The following VSTM4 variants were observed in gnomAD, a reference collection of about 807,000 sequenced individuals.
VSTM4 encodes the protein V-set and transmembrane domain-containing protein 4.
In VSTM4, 20 loss-of-function variants were observed where a neutral mutation model predicts 36.4. The ratio of observed to expected loss-of-function variants is 0.55; its 90% CI spans 0.39 to 0.80. The LOEUF (loss-of-function observed/expected upper bound fraction) is 0.80, where lower values mean the gene tolerates loss of function less well. Among genes scored for constraint, VSTM4 ranks in the 30% least tolerant of loss-of-function variants. The probability of loss-of-function intolerance (pLI) is 0.00; values close to 1 mark genes in which losing one functional copy is unlikely to be tolerated. For synonymous variants in VSTM4, 182 were observed against 173.9 expected (o/e 1.05, Z -0.37); for missense variants, 392 against 404.5 (o/e 0.97, Z 0.26).
chr10:49,058,533 T>C (rs941766397), intron 5 of VSTM4, among the ~76,000 whole-genome samples: 24 of 152,334 alleles, frequency 1.6e-4, no homozygotes, highest in African/African-American at 5.8e-4. Flanking sequence ...CTCTCTGCTC[T>C]GCATCCTCAG....
At chr10:49,037,410 A>G (rs1273271370) in intron 7 of VSTM4, among the ~76,000 whole-genome samples, 1 of 152,242 alleles carries the variant, frequency 6.6e-6, no homozygotes, top group Non-Finnish European at 1.5e-5. Context: ...ACAAGCTCCC[A>G]GGCAGTGCCT....
chr10:49,073,416 T>A (rs897699895), intron 4 of VSTM4, among the ~76,000 whole-genome samples: 46 of 152,192 alleles, frequency 3.0e-4, no homozygotes, highest in African/African-American at 1.1e-3. Flanking sequence ...GCTCTGCATA[T>A]CCCCACCTTC....
chr10:49,097,879 G>A (rs910006336), intron 2 of VSTM4, among the ~76,000 whole-genome samples: 7 of 152,160 alleles, frequency 4.6e-5, no homozygotes, highest in Non-Finnish European at 1.0e-4. Context: ...AACTACTTCA[G>A]CAAAACTATT....
intron 4 of VSTM4, among the ~76,000 whole-genome samples, chr10:49,076,109 C>T (rs7098134): frequency 0.2 from 29,652 of 152,054 alleles, 4,450 homozygotes; most frequent in African/African-American, 0.4. Context: ...CCTCATTGTC[C>T]CTTAGGCTTG....
At chr10:49,085,080 A>C (rs780559972) in intron 3 of VSTM4, among the ~76,000 whole-genome samples, 1 of 152,282 alleles carries the variant, frequency 6.6e-6, no homozygotes, top group Non-Finnish European at 1.5e-5. Flanking sequence ...CTGAATGTGC[A>C]TCAGAATTGC....
rs544233088 is a variant in VSTM4 at position 49,040,574 on chromosome 10, C to A, written c.837+6409G>T. On this transcript the variant is annotated intron_variant, in intron 7 of 7. Transcript: ENST00000332853. Reference sequence around the variant, plus strand: ...TTGCTGGGATTACAGGCATGAGCCACCATGCCTGGCCTCACCCTTTTCTTC... The same window carrying A: ...TTGCTGGGATTACAGGCATGAGCCAACATGCCTGGCCTCACCCTTTTCTTC... Among the ~76,000 whole-genome samples the A allele has an allele frequency of 3.8e-3, 575 of 152,276 alleles. 5 individuals carry two copies. Among genetic ancestry groups the A allele is most frequent in the Middle Eastern group, 6.8e-3 (2 of 294 alleles).
intron 4 of VSTM4, among the ~76,000 whole-genome samples, chr10:49,068,881 T>C (rs899636316): frequency 1.3e-5 from 2 of 152,118 alleles, no homozygotes; most frequent in Non-Finnish European, 2.9e-5. Context: ...GAAGCAACCG[T>C]CCTGCACAGA....
chr10:49,071,966 T>C (rs1300793811), intron 4 of VSTM4, among the ~76,000 whole-genome samples: 1 of 152,236 alleles, frequency 6.6e-6, no homozygotes, highest in South Asian at 2.1e-4. Context: ...AGTGTATAGA[T>C]GTACTACTAA....
chr10:49,048,961 G>A (rs1188718701), intron 5 of VSTM4, among the ~76,000 whole-genome samples: 12 of 152,224 alleles, frequency 7.9e-5, no homozygotes, highest in Non-Finnish European at 4.4e-5. Flanking sequence ...TACATCACCA[G>A]TGGGGTATTA....
chr10:49,072,412 C>T (rs920352985), intron 4 of VSTM4, among the ~76,000 whole-genome samples: 5 of 152,180 alleles, frequency 3.3e-5, no homozygotes, highest in Non-Finnish European at 5.9e-5. Flanking sequence ...AGTTATGCCC[C>T]AGCCACCAGG....
At chr10:49,103,992 A>C in intron 2 of VSTM4, 84 of 713,980 alleles carry the variant, frequency 1.2e-4, no homozygotes, top group Non-Finnish European at 1.4e-4. Context: ...AGAACTTCTC[A>C]TCCTTGTTGT....
chr10:49,066,928 C>A (rs1352993886), intron 4 of VSTM4, among the ~76,000 whole-genome samples: 3 of 152,022 alleles, frequency 2.0e-5, no homozygotes, highest in Non-Finnish European at 4.4e-5. Flanking sequence ...AGATGTATTA[C>A]AGTAGGATGA....
chr10:49,102,322 G>T, intron 2 of VSTM4: 1 of 765,806 alleles, frequency 1.3e-6, no homozygotes, highest in Non-Finnish European at 1.6e-6. Context: ...TTTTTGTAGA[G>T]ATGGGGTTTC....
intron 2 of VSTM4, among the ~76,000 whole-genome samples, chr10:49,092,455 C>T (rs1714382569): frequency 6.6e-6 from 1 of 152,140 alleles, no homozygotes; most frequent in Non-Finnish European, 1.5e-5. Flanking sequence ...AAAACTAAAC[C>T]AATGCCTCTT....
At chr10:49,059,975 T>C (rs572529719) in intron 5 of VSTM4, among the ~76,000 whole-genome samples, 1 of 152,374 alleles carries the variant, frequency 6.6e-6, no homozygotes, top group East Asian at 1.9e-4. Context: ...TATGTAATTT[T>C]TTGTATCTGG....
At chr10:49,063,022 A>C (rs185764899) in intron 5 of VSTM4, among the ~76,000 whole-genome samples, 17 of 144,500 alleles carry the variant, frequency 1.2e-4, no homozygotes, top group Admixed American at 1.1e-3. Flanking sequence ...TTGATGATTG[A>C]ATCTTTTTTT....
intron 4 of VSTM4, among the ~76,000 whole-genome samples, chr10:49,068,417 G>A (rs776763387): frequency 1.4e-4 from 21 of 152,176 alleles, no homozygotes; most frequent in Non-Finnish European, 2.4e-4. Context: ...CGACTAAGAA[G>A]GGCCAGGAGC....
Position 49,016,735 on chromosome 10 carries a change from A to C in VSTM4, c.*2915T>G, listed in dbSNP as rs1420979699. 6.6e-6 allele frequency: 1 copy of C among 152,216 alleles called. No homozygotes were observed. Among genetic ancestry groups the C allele is most frequent in the Non-Finnish European group, 1.5e-5 (1 of 68,044 alleles). The allele number at this position is 152,216 out of a possible 1,614,324, so 9.4% of individuals were successfully genotyped here. On this transcript the variant is annotated 3_prime_UTR_variant, in exon 8 of 8. Coordinates refer to ENST00000332853, the MANE Select transcript of VSTM4 (RefSeq NM_001031746.5). ...CCTTATTTTCCCTGTGAGCTAACAG[A>C]GTGGCGGTACATTCGTAAAAAGGTG...
chr10:49,044,093 C>T (rs536056015), intron 7 of VSTM4, among the ~76,000 whole-genome samples: 84 of 152,252 alleles, frequency 5.5e-4, no homozygotes, highest in Admixed American at 4.4e-3. Flanking sequence ...TTTTGGACGC[C>T]GAGGTGGAAG....
Sources: allele counts gnomAD v4.1 joint callset (sites outside exome capture counted in the v4.1 genomes callset), GRCh38; gene constraint gnomAD v4.1.1; transcripts MANE v1.5; gene names NCBI Gene and HGNC (gene_info 2026-07-23, HGNC 2026-07-21).